LSAMP: variants seen among roughly 807,000 people sequenced by gnomAD.
LSAMP encodes limbic system-associated membrane protein.
A neutral mutation model predicts 38.6 loss-of-function variants in LSAMP; 7 were observed. The ratio of observed to expected loss-of-function variants is 0.18; its 90% CI spans 0.10 to 0.34. The LOEUF (loss-of-function observed/expected upper bound fraction) is 0.34. Ranked by LOEUF, LSAMP falls within the 10% of genes least tolerant of loss-of-function variation. LSAMP has a pLI of 1.00. For missense variants in LSAMP, 313 were observed against 420.0 expected, an observed-to-expected ratio of 0.75 and a Z score of 2.23; for synonymous variants, 154 against 166.8, an observed-to-expected ratio of 0.92 and a Z score of 0.59.
At chr3:116,137,569 A>C (rs1287341708) in intron 1 of LSAMP, among the ~76,000 whole-genome samples, 3 of 152,172 alleles carry the variant, frequency 2.0e-5, no homozygotes, top group Admixed American at 2.0e-4. Flanking sequence ...TCCTTTGAGA[A>C]ATAGTGAAAC....
intron 1 of LSAMP, among the ~76,000 whole-genome samples, chr3:116,429,805 T>A (rs1011676118): frequency 6.6e-6 from 1 of 152,112 alleles, no homozygotes; most frequent in East Asian, 1.9e-4. Flanking sequence ...GCAGACGACA[T>A]CATGTTTTAC....
At chr3:116,277,536 A>AT (rs1051850318) in intron 1 of LSAMP, among the ~76,000 whole-genome samples, 3 of 151,600 alleles carry the variant, frequency 2.0e-5, no homozygotes, top group Admixed American at 6.6e-5. Context: ...CGCCTGGCTA[A>AT]TTTTTTTGTA....
At chr3:116,110,806 C>T (rs1217265924) in intron 1 of LSAMP, among the ~76,000 whole-genome samples, 4 of 152,136 alleles carry the variant, frequency 2.6e-5, no homozygotes, top group Admixed American at 6.5e-5. Context: ...AAATTTCATG[C>T]GCGTCCGTGT....
intron 3 of LSAMP, among the ~76,000 whole-genome samples, chr3:115,867,674 G>T (rs995400102): frequency 8.5e-5 from 13 of 152,094 alleles, no homozygotes; most frequent in African/African-American, 3.1e-4. Context: ...GGAAGAAAAT[G>T]CCACCAGAAT....
chr3:116,209,607 AG>A (rs1166247654), intron 1 of LSAMP, among the ~76,000 whole-genome samples: 1 of 152,128 alleles, frequency 6.6e-6, no homozygotes, highest in African/African-American at 2.4e-5. Flanking sequence ...GAAGAGTAAG[AG>A]GGGGGCTTTG....
Position 115,953,079 on chromosome 3 carries a change from T to G in LSAMP, c.514+66436A>C, listed in dbSNP as rs550551094. Among the ~76,000 whole-genome samples, 7 of 152,124 alleles carry G rather than the reference T, an allele frequency of 4.6e-5. No individual in the cohort carries two copies. In the South Asian group the frequency reaches 1.2e-3, roughly 27 times the overall value. On this transcript the variant is annotated intron_variant, in intron 3 of 6. Coordinates refer to ENST00000490035, the MANE Select transcript of LSAMP (RefSeq NM_002338.5). Reference sequence around the variant, plus strand: ...ACATTTTTCAGTCTGATTCAGAGCTTCTTCTCAGCCACTGCACCTCATCAA... The same window carrying G: ...ACATTTTTCAGTCTGATTCAGAGCTGCTTCTCAGCCACTGCACCTCATCAA...
rs560363434 is a variant in LSAMP, at chr3:116,111,855, C to T, written c.156-25299G>A. Reference sequence around the variant, plus strand: ...TGTTCTCAACAAGGTTAAGATGGTCCCTGTAATAGATGTTGGAACAAAATC... The same window carrying T: ...TGTTCTCAACAAGGTTAAGATGGTCTCTGTAATAGATGTTGGAACAAAATC... On this transcript the variant is annotated intron_variant, in intron 1 of 6. Coordinates refer to ENST00000490035, the MANE Select transcript of LSAMP (RefSeq NM_002338.5). 2.6e-5 allele frequency among the ~76,000 whole-genome samples: 4 copies of T among 152,142 alleles called. No homozygotes were observed. The East Asian group carries it at 7.7e-4, about 29-fold the overall frequency.
chr3:116,202,494 G>A (rs572643219), intron 1 of LSAMP, among the ~76,000 whole-genome samples: 11 of 152,010 alleles, frequency 7.2e-5, no homozygotes, highest in Admixed American at 3.9e-4. Context: ...ACCCAGGCTG[G>A]TGTGCAGTGG....
chr3:116,000,676 C>T (rs1240557087), intron 3 of LSAMP, among the ~76,000 whole-genome samples: 1 of 152,130 alleles, frequency 6.6e-6, no homozygotes, highest in Admixed American at 6.5e-5. Context: ...GATATTGGCT[C>T]TTCCTTCAAG....
At chr3:116,072,271 C>T (rs375289168) in intron 2 of LSAMP, among the ~76,000 whole-genome samples, 6 of 151,876 alleles carry the variant, frequency 4.0e-5, no homozygotes, top group Non-Finnish European at 7.4e-5. Context: ...CACCGCGCCC[C>T]GCCAGCATAT....
intron 1 of LSAMP, among the ~76,000 whole-genome samples, chr3:116,214,229 A>G (rs960224399): frequency 1.2e-4 from 19 of 152,194 alleles, no homozygotes; most frequent in Non-Finnish European, 2.6e-4. Flanking sequence ...ATGACTCAAA[A>G]TAAAGTTGTT....
intron 1 of LSAMP, among the ~76,000 whole-genome samples, chr3:116,434,312 A>G (rs2049318750): frequency 1.3e-5 from 2 of 152,222 alleles, no homozygotes; most frequent in Non-Finnish European, 1.5e-5. Flanking sequence ...GTACTGAGCT[A>G]AATTCTGGGA....
Position 116,034,340 on chromosome 3 carries a change from A to T in LSAMP, c.389-14700T>A, listed in dbSNP as rs9831853. On this transcript the variant is annotated intron_variant, in intron 2 of 6. Transcript: ENST00000490035. ...GCCACCAGGAATATTCTTGATTCTC[A>T]GCCCATATCTCTTCCTTTTTAATCC... Among the ~76,000 whole-genome samples the T allele has an allele frequency of 9.0e-3, 1,376 of 152,158 alleles. 25 individuals carry two copies. The highest frequency in any genetic ancestry group is 0.03 in the African/African-American group (1,243 of 41,526).
chr3:116,001,109 A>G (rs991246783), intron 3 of LSAMP, among the ~76,000 whole-genome samples: 27 of 152,134 alleles, frequency 1.8e-4, no homozygotes, highest in African/African-American at 6.5e-4. Flanking sequence ...CAATGGTACA[A>G]TGATAATTGA....
intron 3 of LSAMP, among the ~76,000 whole-genome samples, chr3:115,939,708 T>A (rs1026284941): frequency 6.6e-6 from 1 of 152,000 alleles, no homozygotes; most frequent in South Asian, 2.1e-4. Flanking sequence ...GCACACACTA[T>A]TATACTTGAT....
chr3:116,173,341 A>G (rs1255507740), intron 1 of LSAMP, among the ~76,000 whole-genome samples: 1 of 152,078 alleles, frequency 6.6e-6, no homozygotes, highest in Non-Finnish European at 1.5e-5. Context: ...TTGGTGCAAC[A>G]GAATATGATA....
chr3:116,014,744 T>C (rs1404589673), intron 3 of LSAMP, among the ~76,000 whole-genome samples: 2 of 152,204 alleles, frequency 1.3e-5, no homozygotes, highest in Non-Finnish European at 2.9e-5. Context: ...TATGAAATCA[T>C]ACTAATTCTA....
At chr3:116,189,232 T>G (rs961931880) in intron 1 of LSAMP, among the ~76,000 whole-genome samples, 1 of 152,188 alleles carries the variant, frequency 6.6e-6, no homozygotes, top group Admixed American at 6.5e-5. Flanking sequence ...CAGAGAGACC[T>G]AAGTGGTGGT....
chr3:116,245,010 A>T (rs1450432099), intron 1 of LSAMP, among the ~76,000 whole-genome samples: 2 of 152,180 alleles, frequency 1.3e-5, no homozygotes, highest in Non-Finnish European at 2.9e-5. Context: ...AGGGGATTTC[A>T]TTCCTCCAAA....
Sources: allele counts gnomAD v4.1 joint callset (sites outside exome capture counted in the v4.1 genomes callset), GRCh38; gene constraint gnomAD v4.1.1; transcripts MANE v1.5; gene names NCBI Gene and HGNC (gene_info 2026-07-23, HGNC 2026-07-21).